CCDC63: variants seen among roughly 807,000 people sequenced by gnomAD.
The protein encoded by CCDC63 is coiled-coil domain containing 63.
A neutral mutation model predicts 63.6 loss-of-function variants in CCDC63; 54 were observed. That is an observed-to-expected ratio of 0.85 (90% confidence interval 0.68 to 1.07). CCDC63 has a LOEUF of 1.07. CCDC63 is among the 50% of genes least tolerant of loss of function. The probability of loss-of-function intolerance (pLI) is 0.00; values close to 1 mark genes in which losing one functional copy is unlikely to be tolerated. For synonymous variants in CCDC63, 253 were observed against 266.1 expected (o/e 0.95, Z 0.48); for missense variants, 637 against 689.6 (o/e 0.92, Z 0.86).
At chr12:110,903,668 TG>T (rs1209424698) in intron 10 of CCDC63, among the ~76,000 whole-genome samples, 6 of 152,174 alleles carry the variant, frequency 3.9e-5, no homozygotes. Flanking sequence ...TGTGACTGCA[TG>T]GGGCTATGGA....
In CCDC63 at chr12:110,884,077, G is replaced by A; in HGVS notation, c.901G>A (p.Glu301Lys). 6.2e-7 allele frequency: 1 copy of A among 1,614,124 alleles called. No homozygotes were observed. The highest frequency in any genetic ancestry group is 8.5e-7 in the Non-Finnish European group (1 of 1,180,018). Residue 301 changes from glutamate to lysine, a missense_variant, in exon 8 of 12, where the codon GAG (glutamate) becomes AAG (lysine). Transcript: ENST00000308208. ...CAAGAAGAACAGGGGAGAGAGTTTTGAGAGCTATGAGGTGGCCCACCTCCG... is the reference window on the plus strand; with the variant it reads ...CAAGAAGAACAGGGGAGAGAGTTTTAAGAGCTATGAGGTGGCCCACCTCCG... The part of the protein sequence containing the change: ...HVKKNRGESF[E>K]SYEVAHLRLL...
intron 8 of CCDC63, among the ~76,000 whole-genome samples, chr12:110,892,221 C>T (rs544148488): frequency 9.2e-5 from 14 of 152,260 alleles, no homozygotes; most frequent in Admixed American, 3.3e-4. Flanking sequence ...CCACCAGCCA[C>T]GTGTGGCTTT....
intron 4 of CCDC63, among the ~76,000 whole-genome samples, chr12:110,866,185 C>T (rs112392898): frequency 3.3e-5 from 5 of 152,096 alleles, no homozygotes; most frequent in African/African-American, 9.7e-5. Flanking sequence ...ACTGTGTTGG[C>T]CAGGCTTGTC....
intron 5 of CCDC63, among the ~76,000 whole-genome samples, chr12:110,877,708 CTTT>C (rs1317962661): frequency 1.1e-5 from 1 of 90,700 alleles, no homozygotes; most frequent in Admixed American, 1.2e-4. Context: ...TTCTTTCTTT[CTTT>C]TTTTTTTTTT....
chr12:110,859,030 C>T (rs1208616564), intron 4 of CCDC63, among the ~76,000 whole-genome samples: 1 of 152,162 alleles, frequency 6.6e-6, no homozygotes, highest in Non-Finnish European at 1.5e-5. Context: ...GAATAAACCC[C>T]CACAGCTGCA....
intron 8 of CCDC63, 49 bp from the exon 9 acceptor site, chr12:110,893,027 G>T (rs1437504199): frequency 1.4e-6 from 2 of 1,454,556 alleles, no homozygotes; most frequent in Non-Finnish European, 1.9e-6. Flanking sequence ...GGGAGCAGTG[G>T]GGAGGGAAGA....
At chr12:110,867,878 G>A (rs1304331518) in intron 4 of CCDC63, among the ~76,000 whole-genome samples, 9 of 150,026 alleles carry the variant, frequency 6.0e-5, no homozygotes, top group South Asian at 2.1e-4. Flanking sequence ...AGGTGGAGAC[G>A]CTCCTCACTT....
intron 4 of CCDC63, among the ~76,000 whole-genome samples, chr12:110,868,568 A>G (rs1448540093): frequency 1.3e-5 from 2 of 151,508 alleles, no homozygotes; most frequent in Non-Finnish European, 2.9e-5. Flanking sequence ...CGTCTCCACC[A>G]AAACCAGTCA....
intron 8 of CCDC63, 68 bp from the exon 9 acceptor site, chr12:110,893,008 C>G (rs1315112777): frequency 7.5e-5 from 96 of 1,273,028 alleles, no homozygotes; most frequent in Middle Eastern, 3.7e-4. Context: ...GAGGCGCACA[C>G]TTATTTTTGG....
In CCDC63 at chr12:110,888,414, G is replaced by T. The variant is rs1011115241; in HGVS notation, c.1074+4164G>T. 2.0e-4 allele frequency among the ~76,000 whole-genome samples: 30 copies of T among 152,208 alleles called. 1 individual carries two copies. The highest frequency in any genetic ancestry group is 7.0e-4 in the African/African-American group (29 of 41,534). On this transcript the variant is annotated intron_variant, in intron 8 of 11. Coordinates refer to ENST00000308208, the MANE Select transcript of CCDC63 (RefSeq NM_152591.3). ...CTCATAAGGGGACCCTCTTCCTTAG[G>T]GTCATGACAAATATGTCTAAGATGG...
At chr12:110,901,004 A>G (rs1007711756) in intron 10 of CCDC63, among the ~76,000 whole-genome samples, 6 of 152,246 alleles carry the variant, frequency 3.9e-5, no homozygotes, top group Admixed American at 2.0e-4. Flanking sequence ...GACTCAGTAT[A>G]TAGTCACACA....
intron 8 of CCDC63, among the ~76,000 whole-genome samples, chr12:110,886,272 A>G (rs1593682849): frequency 6.6e-6 from 1 of 152,228 alleles, no homozygotes; most frequent in Non-Finnish European, 1.5e-5. Flanking sequence ...CTGCAATCCC[A>G]CTACTTGGGA....
intron 10 of CCDC63, 61 bp from the exon 11 acceptor site, chr12:110,904,527 C>A: frequency 1.4e-6 from 2 of 1,448,566 alleles, no homozygotes; most frequent in South Asian, 1.2e-5. Context: ...TGGCACCACC[C>A]ACAGTGCCCC....
intron 5 of CCDC63, among the ~76,000 whole-genome samples, chr12:110,876,880 A>C: frequency 1.3e-5 from 1 of 75,360 alleles, no homozygotes; most frequent in East Asian, 2.1e-4. Flanking sequence ...CTAAAAATAC[A>C]AAAAAAAAAA....
At chr12:110,872,307 C>T (rs1186558875) in intron 4 of CCDC63, among the ~76,000 whole-genome samples, 2 of 152,138 alleles carry the variant, frequency 1.3e-5, no homozygotes, top group Non-Finnish European at 2.9e-5. Flanking sequence ...AGGTAGTGGG[C>T]CAGATTTGAC....
At chr12:110,853,765 AG>A (rs1229710190) in intron 3 of CCDC63, among the ~76,000 whole-genome samples, 191 bp downstream of exon 3, 1 of 152,112 alleles carries the variant, frequency 6.6e-6, no homozygotes, top group African/African-American at 2.4e-5. Flanking sequence ...TTCAGTGAAG[AG>A]GGGGAATTTC....
chr12:110,865,477 A>AAAAAAAAAAAAAG (rs2070934016), intron 4 of CCDC63, among the ~76,000 whole-genome samples: 1 of 151,476 alleles, frequency 6.6e-6, no homozygotes, highest in Non-Finnish European at 1.5e-5. Flanking sequence ...AAAAAAAAAA[A>AAAAAAAAAAAAAG]AAAAAGAAAA....
At position 110,895,622 on chromosome 12, in the gene CCDC63, C is replaced by A. The variant is rs34428767; in HGVS notation, c.1149+2472C>A. Among the ~76,000 whole-genome samples, 212 of 152,306 alleles carry A rather than the reference C, an allele frequency of 1.4e-3. 1 individual carries two copies. Among genetic ancestry groups the A allele is most frequent in the South Asian group, 8.5e-3 (41 of 4,826 alleles). ...CTGGCTATGACTTGCAGAAAAGTCACTTCCTAGCTCTGTGACGTTGAGGTA... is the reference window on the plus strand; with the variant it reads ...CTGGCTATGACTTGCAGAAAAGTCAATTCCTAGCTCTGTGACGTTGAGGTA... On this transcript the variant is annotated intron_variant, in intron 9 of 11. Coordinates refer to ENST00000308208, the MANE Select transcript of CCDC63 (RefSeq NM_152591.3).
At chr12:110,854,935 A>G (rs542642404) in intron 3 of CCDC63, among the ~76,000 whole-genome samples, 79 of 152,174 alleles carry the variant, frequency 5.2e-4, no homozygotes, top group Admixed American at 1.4e-3. Context: ...AGTAGCTGGG[A>G]TCACAGGCGT....
Sources: allele counts gnomAD v4.1 joint callset (sites outside exome capture counted in the v4.1 genomes callset), GRCh38; gene constraint gnomAD v4.1.1; transcripts MANE v1.5; gene names NCBI Gene and HGNC (gene_info 2026-07-23, HGNC 2026-07-21).